CADPS: variants seen among roughly 807,000 people sequenced by gnomAD.
CADPS encodes the protein calcium-dependent secretion activator 1.
CADPS carries 57 observed loss-of-function variants against 167.3 expected under a neutral mutation model. The ratio of observed to expected loss-of-function variants is 0.34; its 90% CI spans 0.28 to 0.42. CADPS has a LOEUF of 0.42. Ranked by LOEUF, CADPS falls within the 20% of genes least tolerant of loss-of-function variation. The pLI is 1.00. For missense variants in CADPS, 1,414 were observed against 1,738.1 expected (o/e 0.81, Z 3.32); for synonymous variants, 676 against 635.3 (o/e 1.06, Z -0.96).
intron 2 of CADPS, among the ~76,000 whole-genome samples, chr3:62,757,427 C>G (rs565939685): frequency 6.6e-6 from 1 of 152,236 alleles, no homozygotes; most frequent in East Asian, 1.9e-4. Context: ...GTGCCTGAGA[C>G]AGTGCCTGGC....
At chr3:62,490,984 C>T (rs1021954334) in intron 21 of CADPS, among the ~76,000 whole-genome samples, 5 of 152,130 alleles carry the variant, frequency 3.3e-5, no homozygotes, top group Non-Finnish European at 7.4e-5. Context: ...AGAACCCCAC[C>T]GAACACACTT....
intron 1 of CADPS, among the ~76,000 whole-genome samples, chr3:62,836,033 T>A (rs569994970): frequency 6.6e-6 from 1 of 152,274 alleles, no homozygotes; most frequent in South Asian, 2.1e-4. Context: ...AATGACTGAA[T>A]CACTAGTTTT....
chr3:62,449,214 C>T (rs1419014407), intron 26 of CADPS, among the ~76,000 whole-genome samples: 1 of 152,216 alleles, frequency 6.6e-6, no homozygotes, highest in Non-Finnish European at 1.5e-5. Flanking sequence ...TAGAGACCTC[C>T]ACCTCACTGG....
chr3:62,787,674 G>T (rs2092586216), intron 1 of CADPS, among the ~76,000 whole-genome samples: 1 of 152,120 alleles, frequency 6.6e-6, no homozygotes, highest in Non-Finnish European at 1.5e-5. Flanking sequence ...GTGATTAAGG[G>T]TCTTCATTTT....
chr3:62,620,688 A>G (rs2063041988), intron 6 of CADPS, among the ~76,000 whole-genome samples: 1 of 152,120 alleles, frequency 6.6e-6, no homozygotes, highest in African/African-American at 2.4e-5. Context: ...CTTTTTGAAA[A>G]ACCTGTGCTA....
At chr3:62,512,901 C>T (rs976333227) in intron 16 of CADPS, 133 bp from the exon 17 acceptor site, 22 of 646,462 alleles carry the variant, frequency 3.4e-5, no homozygotes, top group African/African-American at 3.2e-4. Context: ...AAAGGTTGCC[C>T]TTGGGTTCCC....
At chr3:62,669,593 T>C (rs2075148208) in intron 3 of CADPS, among the ~76,000 whole-genome samples, 1 of 152,194 alleles carries the variant, frequency 6.6e-6, no homozygotes, top group African/African-American at 2.4e-5. Flanking sequence ...GGTCAGCAGG[T>C]GCCCCCACTC....
chr3:62,491,517 A>C, intron 20 of CADPS, 37 bp from the exon 21 acceptor site: 1 of 1,594,478 alleles, frequency 6.3e-7, no homozygotes, highest in Non-Finnish European at 8.6e-7. Context: ...AAGAACCCAC[A>C]GCTACTTTAT....
chr3:62,867,883 T>C (rs1041091711), intron 1 of CADPS, among the ~76,000 whole-genome samples: 1 of 152,096 alleles, frequency 6.6e-6, no homozygotes, highest in Non-Finnish European at 1.5e-5. Flanking sequence ...ATTTCATTCA[T>C]GAGTAAACTG....
At chr3:62,630,500 C>T (rs2065076174) in intron 6 of CADPS, among the ~76,000 whole-genome samples, 1 of 152,026 alleles carries the variant, frequency 6.6e-6, no homozygotes, top group Non-Finnish European at 1.5e-5. Context: ...AGGCATGCAC[C>T]ACCACACCCA....
chr3:62,727,468 C>G (rs925018), intron 3 of CADPS, among the ~76,000 whole-genome samples: 61,643 of 151,530 alleles, frequency 0.41, 15,336 homozygotes, highest in African/African-American at 0.69. Context: ...CCAATACCCA[C>G]CTTTTCTCTG....
chr3:62,617,501 G>A (rs2062502194), intron 6 of CADPS, among the ~76,000 whole-genome samples: 1 of 152,120 alleles, frequency 6.6e-6, no homozygotes, highest in Non-Finnish European at 1.5e-5. Flanking sequence ...AGTATCCCCT[G>A]TGCTTAGAGT....
chr3:62,835,100 A>G (rs1023875989), intron 1 of CADPS, among the ~76,000 whole-genome samples: 3 of 152,228 alleles, frequency 2.0e-5, no homozygotes, highest in African/African-American at 4.8e-5. Flanking sequence ...TTTGCAAAAT[A>G]TAAATTCACT....
rs1817111 is a variant in CADPS, at chr3:62,537,058, T to C, written c.1967-477A>G. Reference sequence around the variant, plus strand: ...ATTTTCAGCAAAGTGACAATATTTATATCGTCTTCTTCCAAATCCCCATTG... The same window carrying C: ...ATTTTCAGCAAAGTGACAATATTTACATCGTCTTCTTCCAAATCCCCATTG... On this transcript the variant is annotated intron_variant, in intron 11 of 29. Coordinates refer to ENST00000383710, the MANE Select transcript of CADPS (RefSeq NM_003716.4). 1.6e-3 allele frequency among the ~76,000 whole-genome samples: 251 copies of C among 152,320 alleles called. 6 individuals are homozygous for C. The East Asian group carries it at 0.046, about 28-fold the overall frequency.
chr3:62,651,054 G>A lies in CADPS; in HGVS notation c.996C>T (p.Ser332=). 1 of 1,613,518 alleles carries A rather than the reference G, an allele frequency of 6.2e-7. No individual in the cohort carries two copies. ...CAATGTACATGTTTTCCATTTCTTT[G>A]GATACAAACTTGGGAAATTTGCGTT... ...ARERKFPKFV[S]KEMENMYIEE... The change falls in exon 5 of 30, where the codon TCC becomes TCT. Residue 332 remains serine (S), a synonymous_variant. Coordinates refer to ENST00000383710, the MANE Select transcript of CADPS (RefSeq NM_003716.4).
intron 8 of CADPS, among the ~76,000 whole-genome samples, chr3:62,572,985 G>T (rs532641869): frequency 6.6e-6 from 1 of 152,084 alleles, no homozygotes; most frequent in Non-Finnish European, 1.5e-5. Context: ...GGGTTCAAGC[G>T]AGTCTCCTCC....
At chr3:62,657,017 A>G (rs2071796625) in intron 4 of CADPS, among the ~76,000 whole-genome samples, 1 of 152,114 alleles carries the variant, frequency 6.6e-6, no homozygotes. Flanking sequence ...CAACAAGTTG[A>G]AAGAAGTTCC....
intron 11 of CADPS, among the ~76,000 whole-genome samples, chr3:62,543,918 G>A (rs994210644): frequency 6.6e-6 from 1 of 151,986 alleles, no homozygotes; most frequent in African/African-American, 2.4e-5. Flanking sequence ...TTTTTCTAAA[G>A]TTTTAATGTC....
chr3:62,690,269 A>C (rs530733162), intron 3 of CADPS, among the ~76,000 whole-genome samples: 1 of 152,090 alleles, frequency 6.6e-6, no homozygotes, highest in East Asian at 1.9e-4. Flanking sequence ...GGAGAACAAA[A>C]GTTGTGACTT....
Sources: gnomAD v4.1 joint callset for allele counts (sites outside exome capture counted in the v4.1 genomes callset) on GRCh38, gnomAD v4.1.1 for gene constraint, MANE v1.5 for transcripts, NCBI Gene and HGNC (gene_info 2026-07-23, HGNC 2026-07-21) for gene names.